LAMA2: variants seen among roughly 807,000 people sequenced by gnomAD.
LAMA2 encodes laminin subunit alpha-2.
In LAMA2, 269 loss-of-function variants were observed where a neutral mutation model predicts 364.8. The observed-to-expected ratio is 0.74, with a 90% CI of 0.67 to 0.82. The LOEUF is 0.82. Among genes scored for constraint, LAMA2 ranks in the 40% least tolerant of loss-of-function variants. The probability of loss-of-function intolerance (pLI) is 0.00; values close to 1 mark genes in which losing one functional copy is unlikely to be tolerated. For missense variants in LAMA2, 3,807 were observed against 3,873.2 expected, an observed-to-expected ratio of 0.98 and a Z score of 0.45; for synonymous variants, 1,379 against 1,370.6, an observed-to-expected ratio of 1.01 and a Z score of -0.14.
intron 40 of LAMA2, among the ~76,000 whole-genome samples, chr6:129,426,303 A>G (rs1169721888): frequency 6.6e-6 from 1 of 152,070 alleles, no homozygotes; most frequent in African/African-American, 2.4e-5. Context: ...ACATTCTTTC[A>G]TTGTAATTTC....
chr6:129,132,740 G>T (rs1410351194), intron 4 of LAMA2, among the ~76,000 whole-genome samples: 2 of 152,150 alleles, frequency 1.3e-5, no homozygotes, highest in African/African-American at 2.4e-5. Flanking sequence ...TCTTTCAAGG[G>T]TAATGGCAAC....
intron 1 of LAMA2, among the ~76,000 whole-genome samples, chr6:128,890,694 T>C (rs558071022): frequency 1.3e-5 from 2 of 152,244 alleles, no homozygotes; most frequent in Admixed American, 6.5e-5. Flanking sequence ...CACTAGGCTA[T>C]AAGAAAATAT....
chr6:129,155,929 T>C (rs1199820266), intron 8 of LAMA2, among the ~76,000 whole-genome samples: 1 of 151,980 alleles, frequency 6.6e-6, no homozygotes, highest in Non-Finnish European at 1.5e-5. Context: ...AGACTCTATA[T>C]ACAAATATGG....
intron 1 of LAMA2, among the ~76,000 whole-genome samples, chr6:128,885,495 A>G (rs556879088): frequency 6.6e-6 from 1 of 152,188 alleles, no homozygotes; most frequent in African/African-American, 2.4e-5. Flanking sequence ...GTTTCTTTCC[A>G]TTAATTGTTT....
chr6:129,368,178 G>T (rs912206475), intron 33 of LAMA2, among the ~76,000 whole-genome samples: 12 of 152,270 alleles, frequency 7.9e-5, no homozygotes, highest in African/African-American at 2.9e-4. Flanking sequence ...CTTCCCAAAG[G>T]CTCCACCTCC....
At chr6:129,399,167 T>TA (rs1562528321) in intron 37 of LAMA2, among the ~76,000 whole-genome samples, 1 of 152,164 alleles carries the variant, frequency 6.6e-6, no homozygotes, top group Non-Finnish European at 1.5e-5. Context: ...TCAATCTATA[T>TA]AAAAAAGAAA....
At chr6:129,304,629 TG>T (rs1223371224) in intron 22 of LAMA2, among the ~76,000 whole-genome samples, 3 of 152,244 alleles carry the variant, frequency 2.0e-5, no homozygotes, top group African/African-American at 7.2e-5. Context: ...TTCTCTAATA[TG>T]GGCATTTGAT....
rs941517587 is a variant in LAMA2, at chr6:128,918,898, C to T, written c.112+35541C>T. ...GCAGCAGGGAACATAAGTAATGTCA[C>T]GGTGTCAGGATTGGGAGGTGTGCAT... is the stretch of plus-strand genomic sequence containing the variant. On this transcript the variant is annotated intron_variant, in intron 1 of 64. Coordinates refer to ENST00000421865, the MANE Select transcript of LAMA2 (RefSeq NM_000426.4). Among the ~76,000 whole-genome samples, 10 of 152,074 alleles carry T rather than the reference C, an allele frequency of 6.6e-5. No individual in the cohort carries two copies. In the East Asian group the frequency reaches 1.5e-3, roughly 23 times the overall value.
chr6:129,106,472 G>A (rs995928638), intron 4 of LAMA2, among the ~76,000 whole-genome samples: 2 of 152,248 alleles, frequency 1.3e-5, no homozygotes, highest in African/African-American at 2.4e-5. Context: ...CCTTTAGGGA[G>A]AAACAGCGGA....
chr6:128,912,937 T>C (rs1321264290), intron 1 of LAMA2, among the ~76,000 whole-genome samples: 1 of 152,134 alleles, frequency 6.6e-6, no homozygotes, highest in Non-Finnish European at 1.5e-5. Context: ...AATGGTGGGC[T>C]GTGGAGCATG....
intron 7 of LAMA2, among the ~76,000 whole-genome samples, chr6:129,150,004 A>G (rs1778701207): frequency 6.6e-6 from 1 of 152,042 alleles, no homozygotes; most frequent in African/African-American, 2.4e-5. Flanking sequence ...ATATTGAGGG[A>G]TGGCTGTATT....
At chr6:129,461,054 G>A (rs1028405130) in intron 49 of LAMA2, among the ~76,000 whole-genome samples, 1 of 151,952 alleles carries the variant, frequency 6.6e-6, no homozygotes, top group Non-Finnish European at 1.5e-5. Flanking sequence ...AAAATATTTA[G>A]CTATAAGTAG....
chr6:129,066,043 T>TTTTTTTTTTTTG lies in LAMA2; in HGVS notation c.396+6158_396+6159insGTTTTTTTTTTT, dbSNP rs1562206811. Among the ~76,000 whole-genome samples the TTTTTTTTTTTTG allele has an allele frequency of 1.1e-4, 8 of 75,568 alleles. 1 individual carries two copies. The highest frequency in any genetic ancestry group is 3.2e-4 in the African/African-American group (8 of 24,684). 49.6% of individuals were successfully genotyped at this position (75,568 alleles called of 152,430 possible). ...TGTAAATTGCCCAGTCTCAGGTTTT[T>TTTTTTTTTTTTG]TTTTTTTTTTTTTTTTTTTTGAGAC... On this transcript the variant is annotated intron_variant, in intron 3 of 64. Transcript: ENST00000421865.
At chr6:129,368,085 G>A (rs1055864776) in intron 33 of LAMA2, among the ~76,000 whole-genome samples, 3 of 152,150 alleles carry the variant, frequency 2.0e-5, no homozygotes, top group African/African-American at 7.2e-5. Flanking sequence ...GGATACTGAG[G>A]AAAAGGATAG....
At chr6:128,888,138 A>G (rs1406080002) in intron 1 of LAMA2, among the ~76,000 whole-genome samples, 4 of 152,164 alleles carry the variant, frequency 2.6e-5, no homozygotes, top group Non-Finnish European at 4.4e-5. Context: ...AAATGAGAAA[A>G]CAAGACAGAG....
intron 1 of LAMA2, among the ~76,000 whole-genome samples, chr6:129,008,386 G>A (rs1784559394): frequency 6.6e-6 from 1 of 152,108 alleles, no homozygotes; most frequent in Non-Finnish European, 1.5e-5. Context: ...AAAATTAAGA[G>A]TACAGACCCA....
chr6:129,445,038 G>A (rs1424036830), intron 44 of LAMA2, among the ~76,000 whole-genome samples: 1 of 152,132 alleles, frequency 6.6e-6, no homozygotes, highest in African/African-American at 2.4e-5. Context: ...AAAAACAGCT[G>A]TTTAATATAG....
At chr6:129,305,835 A>C (rs757612956) in intron 22 of LAMA2, among the ~76,000 whole-genome samples, 6 of 141,818 alleles carry the variant, frequency 4.2e-5, no homozygotes, top group African/African-American at 1.0e-4. Flanking sequence ...TTTTTTCCTT[A>C]TTGTCCTGCC....
intron 14 of LAMA2, among the ~76,000 whole-genome samples, chr6:129,254,483 A>G (rs1003580443): frequency 6.6e-5 from 10 of 152,186 alleles, no homozygotes; most frequent in African/African-American, 2.2e-4. Context: ...GCACTTGGCT[A>G]GTGGTAACCC....
Sources: allele counts gnomAD v4.1 joint callset (sites outside exome capture counted in the v4.1 genomes callset), GRCh38; gene constraint gnomAD v4.1.1; transcripts MANE v1.5; gene names NCBI Gene and HGNC (gene_info 2026-07-23, HGNC 2026-07-21).